The following SLIT2 variants were observed in gnomAD, a reference collection of about 807,000 sequenced individuals.
The protein encoded by SLIT2 is slit guidance ligand 2.
A neutral mutation model predicts 185.7 loss-of-function variants in SLIT2; 41 were observed. The ratio of observed to expected loss-of-function variants is 0.22; its 90% CI spans 0.17 to 0.29. SLIT2 has a LOEUF of 0.29. Among genes scored for constraint, SLIT2 ranks in the 10% least tolerant of loss-of-function variants. SLIT2 has a pLI of 1.00. For missense variants in SLIT2, 1,571 were observed against 1,909.0 expected (o/e 0.82, Z 3.30); for synonymous variants, 693 against 680.2 (o/e 1.02, Z -0.29).
chr4:20,482,400 A>G (rs1002943630), intron 6 of SLIT2, among the ~76,000 whole-genome samples: 4 of 152,066 alleles, frequency 2.6e-5, no homozygotes, highest in African/African-American at 9.6e-5. Context: ...TGTATATTTT[A>G]CAAGGTAGAG....
intron 11 of SLIT2, among the ~76,000 whole-genome samples, chr4:20,516,944 C>T (rs2148835375): frequency 6.6e-6 from 1 of 152,204 alleles, no homozygotes; most frequent in South Asian, 2.1e-4. Context: ...TTAACATGGT[C>T]TTAAAGAAAG....
chr4:20,546,000 TA>T (rs1329732265), intron 21 of SLIT2, 30 bp from the exon 22 acceptor site: 1 of 1,282,558 alleles, frequency 7.8e-7, no homozygotes, highest in Non-Finnish European at 1.1e-6. Context: ...CATTACTTTG[TA>T]AGAAGATAAT....
chr4:20,502,410 C>A (rs1469211705), intron 9 of SLIT2, among the ~76,000 whole-genome samples: 1 of 152,104 alleles, frequency 6.6e-6, no homozygotes, highest in Non-Finnish European at 1.5e-5. Flanking sequence ...AGTGCTTGCT[C>A]TGCATCAGGC....
At chr4:20,353,888 C>T (rs1036699085) in intron 4 of SLIT2, among the ~76,000 whole-genome samples, 1 of 152,174 alleles carries the variant, frequency 6.6e-6, no homozygotes, top group African/African-American at 2.4e-5. Context: ...TTATTCTAAT[C>T]TCAGTTTACT....
chr4:20,415,280 G>A (rs1033245695), intron 4 of SLIT2, among the ~76,000 whole-genome samples: 21 of 151,822 alleles, frequency 1.4e-4, no homozygotes, highest in African/African-American at 3.9e-4. Context: ...GCGTGGTGGC[G>A]GGCGCCTGTA....
chr4:20,580,163 C>T (rs189172695), intron 29 of SLIT2, among the ~76,000 whole-genome samples: 3,479 of 149,776 alleles, frequency 0.023, 137 homozygotes, highest in African/African-American at 0.081. Flanking sequence ...CAGGTTCAAG[C>T]GATTCTCTTG....
At chr4:20,292,660 A>G (rs1716074268) in intron 4 of SLIT2, among the ~76,000 whole-genome samples, 1 of 152,184 alleles carries the variant, frequency 6.6e-6, no homozygotes, top group Admixed American at 6.6e-5. Flanking sequence ...GTCTGATGTG[A>G]TGGTTACTTT....
chr4:20,545,953 G>T, intron 21 of SLIT2, 78 bp from the exon 22 acceptor site: 1 of 710,866 alleles, frequency 1.4e-6, no homozygotes, highest in South Asian at 2.5e-5. Context: ...CCTCAGTTAA[G>T]AGTGAAGTAC....
chr4:20,501,524 T>A (rs1718736242), intron 9 of SLIT2, among the ~76,000 whole-genome samples: 1 of 152,160 alleles, frequency 6.6e-6, no homozygotes, highest in Non-Finnish European at 1.5e-5. Flanking sequence ...GCTCCAGTGA[T>A]CTGCCTGCCT....
At chr4:20,440,075 A>G in intron 4 of SLIT2, among the ~76,000 whole-genome samples, 1 of 152,206 alleles carries the variant, frequency 6.6e-6, no homozygotes, top group East Asian at 1.9e-4. Context: ...ATTAATTGTT[A>G]AAAGTTCCAA....
chr4:20,536,487 G>A (rs1424561427), intron 18 of SLIT2, among the ~76,000 whole-genome samples: 1 of 150,368 alleles, frequency 6.7e-6, no homozygotes, highest in Non-Finnish European at 1.5e-5. Context: ...GAACCCGGGA[G>A]GCGGAGGTTG....
At chr4:20,471,914 C>A (rs1437742786) in intron 5 of SLIT2, among the ~76,000 whole-genome samples, 1 of 151,918 alleles carries the variant, frequency 6.6e-6, no homozygotes, top group Admixed American at 6.6e-5. Flanking sequence ...TTTCTTAACT[C>A]GATTAAATTT....
chr4:20,321,132 AC>A (rs1168848790), intron 4 of SLIT2, among the ~76,000 whole-genome samples: 1 of 152,000 alleles, frequency 6.6e-6, no homozygotes, highest in Non-Finnish European at 1.5e-5. Context: ...GTCTCAAAAA[AC>A]AAAACAAAAC....
intron 12 of SLIT2, among the ~76,000 whole-genome samples, chr4:20,522,936 TAGTA>T (rs1720961994): frequency 6.6e-6 from 1 of 151,854 alleles, no homozygotes; most frequent in African/African-American, 2.4e-5. Flanking sequence ...AGCAGTAACA[TAGTA>T]AGTTGTGTAG....
intron 4 of SLIT2, among the ~76,000 whole-genome samples, chr4:20,297,536 C>A (rs1716601301): frequency 6.6e-6 from 1 of 152,088 alleles, no homozygotes; most frequent in African/African-American, 2.4e-5. Context: ...TGTTTTCTAA[C>A]CAGCAAAATC....
rs567649567 is a variant in SLIT2, at chr4:20,300,585, T to C, written c.395+31704T>C. On this transcript the variant is annotated intron_variant, in intron 4 of 36. Coordinates refer to ENST00000504154, the MANE Select transcript of SLIT2 (RefSeq NM_004787.4). ...GAGTGCATTTTAGTTGTCTCGCACA[T>C]GTAGACACGTGCAGACATGCACACA... Among the ~76,000 whole-genome samples, 255 of 143,748 alleles carry C rather than the reference T, an allele frequency of 1.8e-3. 1 individual carries two copies. Among genetic ancestry groups the C allele is most frequent in the Middle Eastern group, 0.014 (4 of 290 alleles). The allele number at this position is 143,748 out of a possible 152,430, so 94.3% of individuals were successfully genotyped here.
At chr4:20,259,473 G>A (rs1712210757) in intron 3 of SLIT2, among the ~76,000 whole-genome samples, 1 of 151,760 alleles carries the variant, frequency 6.6e-6, no homozygotes, top group East Asian at 1.9e-4. Context: ...ACCATTGAAG[G>A]AGTTTTGATG....
chr4:20,304,735 G>A (rs999528758), intron 4 of SLIT2, among the ~76,000 whole-genome samples: 3 of 152,030 alleles, frequency 2.0e-5, no homozygotes, highest in Non-Finnish European at 2.9e-5. Context: ...CAGTCCCAGC[G>A]CTCAGGCCAT....
intron 4 of SLIT2, among the ~76,000 whole-genome samples, chr4:20,398,757 A>T (rs540240976): frequency 6.6e-6 from 1 of 151,904 alleles, no homozygotes; most frequent in South Asian, 2.1e-4. Flanking sequence ...TGTGTGGATT[A>T]TAGTGTCATT....
Sources: allele counts gnomAD v4.1 joint callset (sites outside exome capture counted in the v4.1 genomes callset), GRCh38; gene constraint gnomAD v4.1.1; transcripts MANE v1.5; gene names NCBI Gene and HGNC (gene_info 2026-07-23, HGNC 2026-07-21).